The following GRM7 variants were observed in gnomAD, a reference collection of about 807,000 sequenced individuals.
The protein encoded by GRM7 is glutamate metabotropic receptor 7.
GRM7 carries 35 observed loss-of-function variants against 84.5 expected under a neutral mutation model. The observed-to-expected ratio is 0.41, with a 90% CI of 0.32 to 0.55. GRM7 has a LOEUF of 0.55. GRM7 is among the 20% of genes least tolerant of loss of function. GRM7 has a pLI of 0.19. For missense variants in GRM7, 1,003 were observed against 1,194.6 expected (o/e 0.84, Z 2.36); for synonymous variants, 487 against 455.1 (o/e 1.07, Z -0.89).
At chr3:7,294,443 C>T (rs1180398012) in intron 2 of GRM7, among the ~76,000 whole-genome samples, 1 of 152,082 alleles carries the variant, frequency 6.6e-6, no homozygotes, top group African/African-American at 2.4e-5. Context: ...TTGAGACTGT[C>T]ATCGCCATTG....
At chr3:7,073,606 C>T (rs562420330) in intron 1 of GRM7, among the ~76,000 whole-genome samples, 1 of 151,988 alleles carries the variant, frequency 6.6e-6, no homozygotes, top group Non-Finnish European at 1.5e-5. Flanking sequence ...GAAAAAGAAA[C>T]ACTGCATCTG....
intron 9 of GRM7, among the ~76,000 whole-genome samples, chr3:7,715,553 A>G (rs896053722): frequency 1.3e-5 from 2 of 152,210 alleles, no homozygotes; most frequent in Non-Finnish European, 2.9e-5. Context: ...CTAAATGTCT[A>G]CTAAGTGTCT....
chr3:7,017,211 A>G (rs1559386159), intron 1 of GRM7, among the ~76,000 whole-genome samples: 1 of 152,222 alleles, frequency 6.6e-6, no homozygotes, highest in Non-Finnish European at 1.5e-5. Context: ...GCTCGTTAAT[A>G]TAACGAGGTT....
chr3:6,927,463 G>GAGAGAGAGAA (rs1553595155), intron 1 of GRM7, among the ~76,000 whole-genome samples: 11 of 93,300 alleles, frequency 1.2e-4, no homozygotes, highest in African/African-American at 3.4e-4. Flanking sequence ...GAAAGAGAGA[G>GAGAGAGAGAA]AGAAAGAAAG....
At chr3:7,141,853 A>C (rs1693955100) in intron 1 of GRM7, among the ~76,000 whole-genome samples, 1 of 152,122 alleles carries the variant, frequency 6.6e-6, no homozygotes, top group Non-Finnish European at 1.5e-5. Context: ...AAATGGTGCT[A>C]AATCAAGTAG....
chr3:6,897,749 G>T lies in GRM7; in HGVS notation c.519+35842G>T, dbSNP rs371663182. 7.4e-4 allele frequency among the ~76,000 whole-genome samples: 112 copies of T among 152,316 alleles called. 1 individual carries two copies. Among genetic ancestry groups the T allele is most frequent in the African/African-American group, 2.5e-3 (104 of 41,570 alleles). Reference sequence around the variant, plus strand: ...TGTATTAAGAAGTTCATCAAACAAGGTTTCAGCAGGAAATCTGTGGTACTC... The same window carrying T: ...TGTATTAAGAAGTTCATCAAACAAGTTTTCAGCAGGAAATCTGTGGTACTC... On this transcript the variant is annotated intron_variant, in intron 1 of 9. Coordinates refer to ENST00000357716, the MANE Select transcript of GRM7 (RefSeq NM_000844.4).
intron 7 of GRM7, among the ~76,000 whole-genome samples, chr3:7,494,401 A>C (rs528168857): frequency 9.9e-5 from 15 of 152,266 alleles, no homozygotes; most frequent in African/African-American, 3.4e-4. Context: ...TTCCTTTATT[A>C]GTTTTCAGAA....
At chr3:7,335,442 C>T (rs9811238) in intron 4 of GRM7, among the ~76,000 whole-genome samples, 30,870 of 151,852 alleles carry the variant, frequency 0.2, 3,299 homozygotes, top group South Asian at 0.32. Context: ...GCATTAAATG[C>T]TTACATAAAA....
At position 7,448,659 on chromosome 3, in the gene GRM7, A is replaced by G. The variant is rs184405725; in HGVS notation, c.1175-3948A>G. On this transcript the variant is annotated intron_variant, in intron 5 of 9. Transcript: ENST00000357716. ...TTGTCACTTCTGATTTTGTTGATAT[A>G]AGGCTACATTTTCAAGTCCTATTAG... 2.0e-5 allele frequency among the ~76,000 whole-genome samples: 3 copies of G among 152,290 alleles called. No homozygotes were observed. The East Asian group carries it at 5.8e-4, about 29-fold the overall frequency.
At chr3:7,672,780 G>C (rs962439190) in intron 8 of GRM7, among the ~76,000 whole-genome samples, 2 of 151,608 alleles carry the variant, frequency 1.3e-5, no homozygotes, top group African/African-American at 4.8e-5. Flanking sequence ...AATTTTTTTT[G>C]TATTTTTTAG....
chr3:7,625,270 C>T (rs1345420819), intron 8 of GRM7, among the ~76,000 whole-genome samples: 1 of 151,940 alleles, frequency 6.6e-6, no homozygotes, highest in East Asian at 1.9e-4. Context: ...AAGGGCCTTT[C>T]AAAGCAGTAA....
intron 1 of GRM7, among the ~76,000 whole-genome samples, chr3:6,885,129 T>A (rs928101796): frequency 6.6e-6 from 1 of 152,020 alleles, no homozygotes; most frequent in Non-Finnish European, 1.5e-5. Flanking sequence ...GACCCCCAAA[T>A]TGAGGCTTAG....
intron 7 of GRM7, among the ~76,000 whole-genome samples, chr3:7,473,971 A>G (rs142132250): frequency 6.6e-5 from 10 of 152,304 alleles, no homozygotes; most frequent in African/African-American, 2.4e-4. Flanking sequence ...GGGTGATTGC[A>G]GGGGATTTGT....
intron 7 of GRM7, among the ~76,000 whole-genome samples, chr3:7,510,442 G>C (rs1368511601): frequency 6.6e-6 from 1 of 152,176 alleles, no homozygotes; most frequent in East Asian, 1.9e-4. Flanking sequence ...AGTCCCCTGA[G>C]TATAAAAGGT....
rs137923591 is a variant in GRM7 at position 7,424,297 on chromosome 3, C to CA, written c.1174+9144dup. On this transcript the variant is annotated intron_variant, in intron 5 of 9. Coordinates refer to ENST00000357716, the MANE Select transcript of GRM7 (RefSeq NM_000844.4). The stretch of plus-strand genomic sequence containing the variant: ...CCTACTTTTGGCCTTCGTTTAAAAC[C>CA]AAAAAAAAAAGGAAAAAGAAAAAAG... 3.7e-3 allele frequency among the ~76,000 whole-genome samples: 528 copies of CA among 141,342 alleles called. 4 individuals carry two copies. The highest frequency in any genetic ancestry group is 0.026 in the South Asian group (114 of 4,434). The allele number at this position is 141,342 out of a possible 152,430, so 92.7% of individuals were successfully genotyped here.
intron 4 of GRM7, among the ~76,000 whole-genome samples, chr3:7,393,145 T>C (rs1695067438): frequency 6.6e-6 from 1 of 152,138 alleles, no homozygotes; most frequent in African/African-American, 2.4e-5. Context: ...ATGTAGCAAG[T>C]ACCCTCCCAG....
intron 7 of GRM7, among the ~76,000 whole-genome samples, chr3:7,484,838 T>G (rs564275876): frequency 7.4e-4 from 112 of 152,330 alleles, no homozygotes; most frequent in African/African-American, 2.5e-3. Context: ...GACTCATTCT[T>G]AACAAATGAA....
At chr3:7,247,618 A>AAAG (rs1458797444) in intron 2 of GRM7, among the ~76,000 whole-genome samples, 3 of 149,828 alleles carry the variant, frequency 2.0e-5, no homozygotes, top group South Asian at 2.1e-4. Context: ...AAAAAAAAAA[A>AAAG]AAGAAGAAGA....
Position 7,100,354 on chromosome 3 carries a change from C to T in GRM7, c.520-46098C>T, listed in dbSNP as rs79062594. Among the ~76,000 whole-genome samples the T allele has an allele frequency of 8.9e-3, 1,352 of 151,598 alleles. 22 individuals carry two copies. The highest frequency in any genetic ancestry group is 0.031 in the African/African-American group (1,273 of 41,408). ...TTCCTGAAACTGTGTTAATTGGCAC[C>T]CCTGCAGTTTTAAAGAGCTTGATGC... On this transcript the variant is annotated intron_variant, in intron 1 of 9. Coordinates refer to ENST00000357716, the MANE Select transcript of GRM7 (RefSeq NM_000844.4).
Sources: allele counts gnomAD v4.1 joint callset (sites outside exome capture counted in the v4.1 genomes callset), GRCh38; gene constraint gnomAD v4.1.1; transcripts MANE v1.5; gene names NCBI Gene and HGNC (gene_info 2026-07-23, HGNC 2026-07-21).